ELP4: variants seen among roughly 807,000 people sequenced by gnomAD.
The protein encoded by ELP4 is elongator acetyltransferase complex subunit 4, also known as elongator complex protein 4.
Under a neutral mutation model 48.9 loss-of-function variants are expected in ELP4, and 51 were observed. That is an observed-to-expected ratio of 1.04 (90% CI 0.83 to 1.32). The LOEUF is 1.32. ELP4 is among the 40% of genes most tolerant of loss of function. The pLI is 0.00. For synonymous variants in ELP4, 210 were observed against 189.2 expected (o/e 1.11, Z -0.90); for missense variants, 519 against 514.6 (o/e 1.01, Z -0.08).
At chr11:31,772,962 T>G (rs989701725) in intron 9 of ELP4, among the ~76,000 whole-genome samples, 9 of 152,234 alleles carry the variant, frequency 5.9e-5, no homozygotes, top group Non-Finnish European at 1.3e-4. Flanking sequence ...GAAACTCCTT[T>G]GTCCATCATC....
At chr11:31,542,420 C>G (rs2996468) in intron 3 of ELP4, among the ~76,000 whole-genome samples, 3 of 152,052 alleles carry the variant, frequency 2.0e-5, no homozygotes, top group Admixed American at 6.6e-5. Context: ...TACTTGTACA[C>G]GAGGAGATGG....
At chr11:31,511,988 CA>C (rs1325129770) in intron 1 of ELP4, 2 of 152,014 alleles carry the variant, frequency 1.3e-5, no homozygotes, top group Non-Finnish European at 2.9e-5. Flanking sequence ...TCAAAGTGCA[CA>C]AAAGTTGAAG....
chr11:31,637,661 A>G (rs998173810), intron 7 of ELP4, among the ~76,000 whole-genome samples: 9 of 152,118 alleles, frequency 5.9e-5, no homozygotes, highest in African/African-American at 2.2e-4. Flanking sequence ...ACAATAGGAT[A>G]CTGTTTGACT....
intron 9 of ELP4, among the ~76,000 whole-genome samples, chr11:31,655,270 G>A (rs1025682876): frequency 3.3e-5 from 5 of 151,774 alleles, no homozygotes; most frequent in Admixed American, 2.0e-4. Flanking sequence ...TATTTCACAT[G>A]CCATAGTTAA....
chr11:31,669,829 C>T (rs1417350514), intron 9 of ELP4, among the ~76,000 whole-genome samples: 3 of 152,192 alleles, frequency 2.0e-5, no homozygotes, highest in South Asian at 2.1e-4. Flanking sequence ...AGTAATCAGT[C>T]CTCCAAACCC....
intron 9 of ELP4, among the ~76,000 whole-genome samples, chr11:31,756,949 A>G (rs994019732): frequency 2.0e-4 from 30 of 152,226 alleles, no homozygotes; most frequent in African/African-American, 6.5e-4. Context: ...TATGAAGTGC[A>G]TGTTTCATTG....
intron 9 of ELP4, among the ~76,000 whole-genome samples, chr11:31,741,135 CT>C (rs1163799937): frequency 6.6e-6 from 1 of 152,096 alleles, no homozygotes; most frequent in Admixed American, 6.5e-5. Flanking sequence ...TGGAGTCTCG[CT>C]TATTGCTAGC....
chr11:31,767,962 G>A (rs1321059157), intron 9 of ELP4: 1 of 152,114 alleles, frequency 6.6e-6, no homozygotes, highest in African/African-American at 2.4e-5. Flanking sequence ...TTGTGGAAGG[G>A]GGAACTAGAT....
At chr11:31,535,784 TTCTG>T (rs1956490683) in intron 2 of ELP4, among the ~76,000 whole-genome samples, 1 of 152,234 alleles carries the variant, frequency 6.6e-6, no homozygotes, top group Non-Finnish European at 1.5e-5. Flanking sequence ...AACCTCTCCT[TTCTG>T]TCATTAGAGA....
chr11:31,515,001 A>ATG (rs753678395), intron 1 of ELP4, among the ~76,000 whole-genome samples: 8,252 of 131,676 alleles, frequency 0.063, 295 homozygotes, highest in Middle Eastern at 0.13. Flanking sequence ...TGCTGTATGC[A>ATG]TGTGTGTGTG....
At chr11:31,655,936 C>T (rs1945424178) in intron 9 of ELP4, among the ~76,000 whole-genome samples, 1 of 151,944 alleles carries the variant, frequency 6.6e-6, no homozygotes, top group Admixed American at 6.6e-5. Flanking sequence ...TCACTTACCT[C>T]TTTATATAAA....
chr11:31,668,675 C>CGTGTGTGTGTGTGTGTGTGTGT (rs367795416), intron 9 of ELP4, among the ~76,000 whole-genome samples: 25 of 121,116 alleles, frequency 2.1e-4, no homozygotes, highest in East Asian at 1.4e-3. Flanking sequence ...CCTTTGGTAC[C>CGTGTGTGTGTGTGTGTGTGTGT]GTGTGTGTGT....
chr11:31,588,588 T>A (rs1315662418), intron 3 of ELP4, among the ~76,000 whole-genome samples: 1 of 152,250 alleles, frequency 6.6e-6, no homozygotes, highest in Non-Finnish European at 1.5e-5. Context: ...TTGTTTTTTT[T>A]AAATTATTAT....
At chr11:31,603,665 G>A in intron 4 of ELP4, 103 bp from the exon 5 acceptor site, 1 of 1,243,286 alleles carries the variant, frequency 8.0e-7, no homozygotes, top group Non-Finnish European at 1.1e-6. Flanking sequence ...TTCCTTATTA[G>A]CTTAAAATTC....
intron 9 of ELP4, 43 bp downstream of exon 9, chr11:31,650,264 C>T (rs748910878): frequency 1.5e-6 from 1 of 647,748 alleles, no homozygotes; most frequent in Non-Finnish European, 2.7e-6. Flanking sequence ...TTGAGATAAA[C>T]TTATTTTTAA....
chr11:31,771,856 C>G (rs944040065), intron 9 of ELP4, among the ~76,000 whole-genome samples: 4 of 152,226 alleles, frequency 2.6e-5, no homozygotes, highest in African/African-American at 9.6e-5. Flanking sequence ...GCGGCAGGCA[C>G]CTGTAGTCCC....
Position 31,632,186 on chromosome 11 carries a change from A to G in ELP4, c.739-31A>G, listed in dbSNP as rs772324824. 1.1e-5 allele frequency: 17 copies of G among 1,567,876 alleles called. No homozygotes were observed. In the Admixed American group the frequency reaches 1.1e-4, roughly 10 times the overall value. ...GTATTCTATTGATTAACAAAACTTT[A>G]TATGTTTGCTTTTTTCCCACTTTCT... On this transcript the variant is annotated intron_variant, in intron 6 of 9. Coordinates refer to ENST00000640961, the MANE Select transcript of ELP4 (RefSeq NM_019040.5).
At chr11:31,518,287 G>A (rs1357309978) in intron 1 of ELP4, among the ~76,000 whole-genome samples, 1 of 151,532 alleles carries the variant, frequency 6.6e-6, no homozygotes, top group Non-Finnish European at 1.5e-5. Context: ...TGTATTTTTA[G>A]TAGAGACGGC....
At chr11:31,753,106 C>T (rs1032687733) in intron 9 of ELP4, among the ~76,000 whole-genome samples, 2 of 152,154 alleles carry the variant, frequency 1.3e-5, no homozygotes, top group Non-Finnish European at 2.9e-5. Flanking sequence ...AATTAATACA[C>T]TACATTTAGC....
Sources: gnomAD v4.1 joint callset for allele counts (sites outside exome capture counted in the v4.1 genomes callset) on GRCh38, gnomAD v4.1.1 for gene constraint, MANE v1.5 for transcripts, NCBI Gene and HGNC (gene_info 2026-07-23, HGNC 2026-07-21) for gene names.